Variants in B4GALNT3 observed in about 807,000 individuals in gnomAD.
The protein encoded by B4GALNT3 is beta-1,4-N-acetylgalactosaminyltransferase 3.
Under a neutral mutation model 120.2 loss-of-function variants are expected in B4GALNT3, and 86 were observed. That is an observed-to-expected ratio of 0.72 (90% CI 0.60 to 0.86). The LOEUF is 0.86. Ranked by LOEUF, B4GALNT3 falls within the 40% of genes least tolerant of loss-of-function variation. The pLI is 0.00. For missense variants in B4GALNT3, 1,167 were observed against 1,298.9 expected (o/e 0.90, Z 1.56); for synonymous variants, 518 against 510.4 (o/e 1.01, Z -0.20).
intron 1 of B4GALNT3, among the ~76,000 whole-genome samples, chr12:488,769 A>G (rs1946313848): frequency 6.6e-6 from 1 of 152,126 alleles, no homozygotes; most frequent in South Asian, 2.1e-4. Flanking sequence ...GCAGTGAGCT[A>G]TGATTGCACC....
At chr12:533,851 C>A (rs1946832002) in intron 1 of B4GALNT3, among the ~76,000 whole-genome samples, 2 of 152,324 alleles carry the variant, frequency 1.3e-5, no homozygotes, top group South Asian at 4.1e-4. Context: ...CTGATCCCAC[C>A]CCTCCCCAGG....
intron 1 of B4GALNT3, among the ~76,000 whole-genome samples, chr12:486,317 C>G (rs1946290810): frequency 7.0e-6 from 1 of 143,324 alleles, no homozygotes; most frequent in Non-Finnish European, 1.5e-5. Context: ...TTAAGTGATT[C>G]TCCCACCTCA....
chr12:488,293 T>A (rs1286671976), intron 1 of B4GALNT3, among the ~76,000 whole-genome samples: 2 of 152,122 alleles, frequency 1.3e-5, no homozygotes, highest in Non-Finnish European at 2.9e-5. Flanking sequence ...ATGTTAAAAG[T>A]AGTTCTTTAA....
At chr12:471,845 C>T (rs1255836498) in intron 1 of B4GALNT3, among the ~76,000 whole-genome samples, 1 of 152,216 alleles carries the variant, frequency 6.6e-6, no homozygotes, top group Non-Finnish European at 1.5e-5. Context: ...TTAGCATCTG[C>T]TTACTGCTCT....
intron 9 of B4GALNT3, among the ~76,000 whole-genome samples, chr12:549,208 C>T (rs1007538664): frequency 2.6e-5 from 4 of 152,174 alleles, no homozygotes; most frequent in Admixed American, 1.3e-4. Flanking sequence ...CCCCCACCCC[C>T]CTTCTCTGTG....
rs565063742 is a variant in B4GALNT3, at chr12:558,189, G to A, written c.2607+101G>A. 684 of 1,323,686 alleles carry A rather than the reference G, an allele frequency of 5.2e-4. 6 individuals carry two copies. In the South Asian group the frequency reaches 7.4e-3, roughly 14 times the overall value. 82.0% of individuals were successfully genotyped at this position (1,323,686 alleles called of 1,614,324 possible). A position where few individuals can be genotyped will look rare whatever the true frequency, so the allele number is the denominator to read the frequency against. On this transcript the variant is annotated intron_variant, in intron 17 of 19. Coordinates refer to ENST00000266383, the MANE Select transcript of B4GALNT3 (RefSeq NM_173593.4). ...AGGTGGTGAGCCCCTCAGGGAGGAC[G>A]GGAATGAGGACACAGGAGGTCCTCT...
chr12:548,739 A>T lies in B4GALNT3; in HGVS notation c.853+442A>T, dbSNP rs1292728408. On this transcript the variant is annotated intron_variant, in intron 9 of 19. Transcript: ENST00000266383. This position sits in a 1 kb window ranked among gnomAD's most constrained non-coding sequence, Gnocchi z 4.9. ...AGCCCAGGCCACATAGCGACACCTC[A>T]TCTCTACAAAAAATTAAAAAATTAA... is the stretch of plus-strand genomic sequence containing the variant. Among the ~76,000 whole-genome samples the T allele has an allele frequency of 1.3e-5, 2 of 152,084 alleles. No individual in the cohort carries two copies. Among genetic ancestry groups the T allele is most frequent in the Non-Finnish European group, 2.9e-5 (2 of 68,008 alleles).
intron 1 of B4GALNT3, among the ~76,000 whole-genome samples, chr12:480,158 G>A (rs215219): frequency 0.94 from 142,769 of 151,752 alleles, 67,742 homozygotes; most frequent in East Asian, 1. Flanking sequence ...CTCGTGATCC[G>A]CCCGCCTCGG....
chr12:497,154 T>A (rs1365746657), intron 1 of B4GALNT3, among the ~76,000 whole-genome samples: 1 of 151,214 alleles, frequency 6.6e-6, no homozygotes, highest in African/African-American at 2.4e-5. Context: ...TATTATTATT[T>A]TTTTAATTAT....
At chr12:503,876 T>A (rs779946769) in intron 1 of B4GALNT3, among the ~76,000 whole-genome samples, 48 of 152,176 alleles carry the variant, frequency 3.2e-4, no homozygotes, top group Admixed American at 1.4e-3. Context: ...GCATTTTGGG[T>A]GGCTGAGGTG....
chr12:536,243 G>A lies in B4GALNT3; in HGVS notation c.299G>A (p.Ser100Asn), dbSNP rs748491154. Residue 100 changes from serine to asparagine, a missense_variant, in exon 3 of 20, where the codon AGC becomes AAC. Physicochemically the swap from Ser to Asn is conservative, Grantham distance 46. Transcript: ENST00000266383. ...GACCACGACATTGACCAAGGGGTGA[G>A]CAGTAACAGCAGCTACTTGAAGTGG... ...LEDHDIDQGV[S>N]SNSSYLKWNK... is the part of the protein sequence containing the mutation. 6.2e-7 allele frequency: 1 copy of A among 1,614,150 alleles called. No individual in the cohort carries two copies. The highest frequency in any genetic ancestry group is 1.1e-5 in the South Asian group (1 of 91,076).
In B4GALNT3 at chr12:480,454, A is replaced by AT. The variant is rs1565589752; in HGVS notation, c.169+19909_169+19910insT. ...CGGTGTGGTTCCTGAGGTCCCTCTG[A>AT]CCCTGACATTACGGAAGGCTTGACG... On this transcript the variant is annotated intron_variant, in intron 1 of 19. Coordinates refer to ENST00000266383, the MANE Select transcript of B4GALNT3 (RefSeq NM_173593.4). Among the ~76,000 whole-genome samples, 17 of 5,462 alleles carry AT rather than the reference A, an allele frequency of 3.1e-3. 1 individual carries two copies. Among genetic ancestry groups the AT allele is most frequent in the Non-Finnish European group, 9.3e-3 (14 of 1,512 alleles). 3.6% of individuals were successfully genotyped at this position (5,462 alleles called of 152,430 possible).
At position 553,749 on chromosome 12, in the gene B4GALNT3, G is replaced by A. The variant is rs2120728490; in HGVS notation, c.1826G>A (p.Gly609Glu). The A allele has an allele frequency of 1.2e-6, 2 of 1,614,210 alleles. No individual in the cohort carries two copies. The highest frequency in any genetic ancestry group is 2.2e-5 in the East Asian group (1 of 44,884). Residue 609 changes from glycine (G) to glutamate (E), a missense_variant, in exon 14 of 20, where the codon GGG becomes GAG. Physicochemically the swap from Gly to Glu is moderately conservative, Grantham distance 98. Around this residue, in one of 3 missense-constraint regions of B4GALNT3, gnomAD observed 983 missense variants for 1,102.5 expected, o/e 0.89. Transcript: ENST00000266383. ...GGACAAGTGGAGGGAGAGGAAGAGG[G>A]GGAAGAAGAGGAGGAGGAAGAGGAT... ...QEGQVEGEEE[G>E]EEEEEEEDMS... is the part of the protein sequence containing the mutation.
At chr12:504,751 AT>A in intron 1 of B4GALNT3, among the ~76,000 whole-genome samples, 1 of 152,210 alleles carries the variant, frequency 6.6e-6, no homozygotes, top group East Asian at 1.9e-4. Context: ...ACTGTTATTA[AT>A]TATCATCACC....
At chr12:558,931 G>A (rs1362556878) in intron 18 of B4GALNT3, among the ~76,000 whole-genome samples, 1 of 151,682 alleles carries the variant, frequency 6.6e-6, no homozygotes, top group Non-Finnish European at 1.5e-5. Flanking sequence ...ACTGCTGTGT[G>A]CCAGATGCTC....
intron 1 of B4GALNT3, among the ~76,000 whole-genome samples, chr12:514,485 C>T (rs1405474956): frequency 6.6e-6 from 1 of 151,992 alleles, no homozygotes; most frequent in Non-Finnish European, 1.5e-5. Context: ...GCATGAGCCA[C>T]CACGCCCAGC....
chr12:507,709 C>T (rs1218564114), intron 1 of B4GALNT3, among the ~76,000 whole-genome samples: 1 of 152,222 alleles, frequency 6.6e-6, no homozygotes, highest in Non-Finnish European at 1.5e-5. Context: ...GGAGGCCCTA[C>T]CAAAGAAAAG....
At chr12:472,629 G>C (rs908003268) in intron 1 of B4GALNT3, among the ~76,000 whole-genome samples, 5 of 152,200 alleles carry the variant, frequency 3.3e-5, no homozygotes, top group African/African-American at 1.2e-4. Flanking sequence ...AGTAGAGGCG[G>C]GGTCTCACAG....
At chr12:544,855 C>T (rs372150795) in intron 4 of B4GALNT3, 27 bp from the exon 5 acceptor site, 5 of 1,608,308 alleles carry the variant, frequency 3.1e-6, no homozygotes, top group Non-Finnish European at 4.3e-6. Context: ...TTCTGGGTAA[C>T]TGTTTCCTTC....
Sources: gnomAD v4.1 joint callset for allele counts (sites outside exome capture counted in the v4.1 genomes callset) on GRCh38, gnomAD v4.1.1 for gene constraint, gnomAD v4.1.1 regional missense constraint, Gnocchi (gnomAD v3.1) non-coding constraint, MANE v1.5 for transcripts, NCBI Gene and HGNC (gene_info 2026-07-23, HGNC 2026-07-21) for gene names.